Variants in PTK7 observed in about 807,000 individuals in gnomAD.
PTK7 encodes the protein protein tyrosine kinase 7 (inactive), also known as inactive tyrosine-protein kinase 7.
Under a neutral mutation model 116.6 loss-of-function variants are expected in PTK7, and 39 were observed. The ratio of observed to expected loss-of-function variants is 0.33; its 90% CI spans 0.26 to 0.44. PTK7 has a LOEUF of 0.44. Ranked by LOEUF, PTK7 falls within the 20% of genes least tolerant of loss-of-function variation. The probability of loss-of-function intolerance (pLI) is 1.00; values close to 1 mark genes in which losing one functional copy is unlikely to be tolerated. For synonymous variants in PTK7, 546 were observed against 563.6 expected (o/e 0.97, Z 0.44); for missense variants, 1,169 against 1,425.6 (o/e 0.82, Z 2.90).
At chr6:43,117,639 C>T (rs1037189460) in intron 1 of PTK7, among the ~76,000 whole-genome samples, 4 of 152,164 alleles carry the variant, frequency 2.6e-5, no homozygotes, top group Non-Finnish European at 4.4e-5. Flanking sequence ...TCCTCTAGGT[C>T]GGGCGCGGTG....
intron 1 of PTK7, among the ~76,000 whole-genome samples, chr6:43,102,824 T>C (rs181178074): frequency 6.6e-6 from 1 of 152,238 alleles, no homozygotes; most frequent in Admixed American, 6.5e-5. Context: ...TTAGCTGAAA[T>C]AATGCTATAA....
intron 17 of PTK7, among the ~76,000 whole-genome samples, chr6:43,155,368 G>A (rs1444703605): frequency 1.3e-5 from 2 of 152,184 alleles, no homozygotes; most frequent in Non-Finnish European, 2.9e-5. Flanking sequence ...ATGTGGCTGG[G>A]TGTGGTGGCT....
chr6:43,149,551 C>G (rs781266348), intron 17 of PTK7, among the ~76,000 whole-genome samples: 2 of 151,964 alleles, frequency 1.3e-5, no homozygotes, highest in Admixed American at 1.3e-4. Flanking sequence ...GATTATAATC[C>G]CTTTTAGGAA....
chr6:43,117,934 C>CA (rs59457900), intron 1 of PTK7, among the ~76,000 whole-genome samples: 3,116 of 116,344 alleles, frequency 0.027, 108 homozygotes, highest in African/African-American at 0.086. Flanking sequence ...AAACTCTGTC[C>CA]AAAAAAAAAA....
chr6:43,145,591 C>T lies in PTK7; in HGVS notation c.2640+159C>T. 1 of 470,678 alleles carries T rather than the reference C, an allele frequency of 2.1e-6. No homozygotes were observed. The highest frequency in any genetic ancestry group is 3.3e-5 in the East Asian group (1 of 30,130). The allele number at this position is 470,678 out of a possible 1,614,324, so 29.2% of individuals were successfully genotyped here. A position where few individuals can be genotyped will look rare whatever the true frequency, so the allele number is the denominator to read the frequency against. On this transcript the variant is annotated intron_variant, in intron 16 of 19. Coordinates refer to ENST00000230419, the MANE Select transcript of PTK7 (RefSeq NM_002821.5). The surrounding 1 kb of genome is among the most constrained non-coding windows in gnomAD (Gnocchi z 4.8). ...TACACTTTGCCCACCTTATGATGCT[C>T]AGCTTCTGCCTTCCCTGCTCTTGGA... is the stretch of plus-strand genomic sequence containing the variant.
intron 1 of PTK7, among the ~76,000 whole-genome samples, chr6:43,080,048 TCAAAAAA>T (rs1370226541): frequency 2.0e-4 from 21 of 106,298 alleles, no homozygotes; most frequent in African/African-American, 7.6e-4. Flanking sequence ...GTGACAGAGT[TCAAAAAA>T]AAAAAAAAAA....
In PTK7 at chr6:43,076,913, A is replaced by C; in HGVS notation, c.79+346A>C. The C allele has an allele frequency of 6.6e-7, 1 of 1,513,052 alleles. No individual in the cohort carries two copies. Among genetic ancestry groups the C allele is most frequent in the East Asian group, 2.5e-5 (1 of 39,846 alleles). The allele number at this position is 1,513,052 out of a possible 1,614,324, so 93.7% of individuals were successfully genotyped here. A position where few individuals can be genotyped will look rare whatever the true frequency, so the allele number is the denominator to read the frequency against. On this transcript the variant is annotated intron_variant, in intron 1 of 19. Coordinates refer to ENST00000230419, the MANE Select transcript of PTK7 (RefSeq NM_002821.5). The surrounding 1 kb of genome is among the most constrained non-coding windows in gnomAD (Gnocchi z 5.7). ...GGAGTTTCTTGTCGGGGGAGAAAAG[A>C]CCATCCGCACCCACCGTGGGGAGCG...
In PTK7 at chr6:43,110,048, G is replaced by A. The variant is rs567053304; in HGVS notation, c.80-18929G>A. On this transcript the variant is annotated intron_variant, in intron 1 of 19. Transcript: ENST00000230419. ...GTCTCGCTGTATCGCCCAGGCTAGA[G>A]TGCAGTGGCGTGATTTTGGCTCACA... is the stretch of plus-strand genomic sequence containing the variant. 2.8e-5 allele frequency among the ~76,000 whole-genome samples: 4 copies of A among 142,836 alleles called. No homozygotes were observed. In the East Asian group the frequency reaches 6.4e-4, roughly 23 times the overall value. 93.7% of individuals were successfully genotyped at this position (142,836 alleles called of 152,430 possible). A position where few individuals can be genotyped will look rare whatever the true frequency, so the allele number is the denominator to read the frequency against.
chr6:43,132,151 A>G lies in PTK7; in HGVS notation c.948A>G (p.Thr316=). ...GCCCACCCATCATCCTGGAAGCCAC[A>G]CTTCACCTAGCAGGTGAGTCTCTGG... ...QRGPPIILEA[T]LHLAEIEDMP... Residue 316 remains threonine, a synonymous_variant, in exon 6 of 20, where the codon ACA becomes ACG. Coordinates refer to ENST00000230419, the MANE Select transcript of PTK7 (RefSeq NM_002821.5). 1 of 1,610,368 alleles carries G rather than the reference A, an allele frequency of 6.2e-7. No individual in the cohort carries two copies. Among genetic ancestry groups the G allele is most frequent in the Non-Finnish European group, 8.5e-7 (1 of 1,177,236 alleles).
chr6:43,144,581 T>A lies in PTK7; in HGVS notation c.2382T>A (p.Ser794=). 3 of 1,613,368 alleles carry A rather than the reference T, an allele frequency of 1.9e-6. No homozygotes were observed. The highest frequency in any genetic ancestry group is 2.5e-6 in the Non-Finnish European group (3 of 1,179,494). ...GTGATAAGATGCACTTCCCACGGTC[T>A]AGCCTGCAGCCCATCACCACGCTGG... The part of the protein sequence containing the change: ...STSDKMHFPR[S]SLQPITTLGK... Residue 794 remains serine, a synonymous_variant, in exon 15 of 20, where the codon TCT becomes TCA. Transcript: ENST00000230419.
intron 17 of PTK7, among the ~76,000 whole-genome samples, chr6:43,150,253 G>C (rs1006118775): frequency 2.0e-5 from 3 of 152,206 alleles, no homozygotes; most frequent in Non-Finnish European, 4.4e-5. Context: ...GGGTTAGCCA[G>C]AACATGGGCA....
chr6:43,153,202 C>A (rs981957406), intron 17 of PTK7, among the ~76,000 whole-genome samples: 8 of 150,516 alleles, frequency 5.3e-5, no homozygotes, highest in African/African-American at 2.0e-4. Flanking sequence ...GCTCTGCCTG[C>A]CAGGTTCATG....
At chr6:43,091,906 AG>A (rs1226213393) in intron 1 of PTK7, among the ~76,000 whole-genome samples, 1 of 152,138 alleles carries the variant, frequency 6.6e-6, no homozygotes, top group Non-Finnish European at 1.5e-5. Context: ...TCTGTGGCCT[AG>A]GCTGGAGTGC....
chr6:43,105,224 C>G (rs1284442361), intron 1 of PTK7, among the ~76,000 whole-genome samples: 1 of 150,878 alleles, frequency 6.6e-6, no homozygotes, highest in Admixed American at 6.6e-5. Context: ...CCTACAGAAA[C>G]CCTCTCATTA....
rs1490360324 is a variant in PTK7, at chr6:43,141,701, A to G, written c.1652A>G (p.Asn551Ser). 14 of 1,614,050 alleles carry G rather than the reference A, an allele frequency of 8.7e-6. No homozygotes were observed. Among genetic ancestry groups the G allele is most frequent in the Non-Finnish European group, 1.1e-5 (13 of 1,180,000 alleles). ...AGCCTCCCAGAGTGGGTGACAGACA[A>G]CGCTGGGACCCTGCATTTTGCCCGG... ...GSSLPEWVTDNAGTLHFARVT... is the reference protein window; with the variant it reads ...GSSLPEWVTDSAGTLHFARVT... Residue 551 changes from asparagine (N) to serine (S), a missense_variant, in exon 11 of 20, where the codon AAC becomes AGC. Transcript: ENST00000230419. The surrounding 1 kb of genome is among the most constrained non-coding windows in gnomAD (Gnocchi z 4.9).
intron 14 of PTK7, 168 bp from the exon 15 acceptor site, chr6:43,144,283 A>ACCCAGC (rs1770596093): frequency 4.1e-6 from 3 of 739,184 alleles, no homozygotes; most frequent in Middle Eastern, 3.9e-4. Flanking sequence ...TACATCCCCC[A>ACCCAGC]CCCAGCCCCA....
chr6:43,143,589 G>C lies in PTK7; in HGVS notation c.2220G>C (p.Glu740Asp), dbSNP rs368979369. The change falls in exon 14 of 20, where the codon GAG (glutamate) becomes GAC (aspartate). Residue 740 changes from glutamate to aspartate, a missense_variant. Glu to Asp is a conservative substitution (Grantham distance 45). Transcript: ENST00000230419. The surrounding 1 kb of genome is among the most constrained non-coding windows in gnomAD (Gnocchi z 4.2). ...CKAKRLQKQP[E>D]GEEPEMECLN... ...CCAAGCGGCTGCAGAAGCAGCCCGA[G>C]GGCGAGGAGCCAGAGATGGAATGCC... is the stretch of plus-strand genomic sequence containing the variant. 2 of 1,612,816 alleles carry C rather than the reference G, an allele frequency of 1.2e-6. No homozygotes were observed. Among genetic ancestry groups the C allele is most frequent in the Non-Finnish European group, 1.7e-6 (2 of 1,180,006 alleles).
chr6:43,136,341 A>T (rs1770039402), intron 7 of PTK7, among the ~76,000 whole-genome samples: 1 of 152,038 alleles, frequency 6.6e-6, no homozygotes, highest in African/African-American at 2.4e-5. Flanking sequence ...ACTCAAAAAA[A>T]AAAAAAACCA....
chr6:43,084,562 A>C (rs1188456201), intron 1 of PTK7, among the ~76,000 whole-genome samples: 1 of 152,208 alleles, frequency 6.6e-6, no homozygotes, highest in Non-Finnish European at 1.5e-5. Context: ...GTTGAGAAAA[A>C]GGGTGATATT....
Sources: gnomAD v4.1 joint callset for allele counts (sites outside exome capture counted in the v4.1 genomes callset) on GRCh38, gnomAD v4.1.1 for gene constraint, Gnocchi (gnomAD v3.1) non-coding constraint, MANE v1.5 for transcripts, NCBI Gene and HGNC (gene_info 2026-07-23, HGNC 2026-07-21) for gene names.